Variants in ULK4 observed in about 807,000 individuals in gnomAD.
The protein encoded by ULK4 is unc-51 like kinase 4.
In ULK4, 133 loss-of-function variants were observed where a neutral mutation model predicts 160.6. That is an observed-to-expected ratio of 0.83 (90% confidence interval 0.72 to 0.96). The LOEUF (loss-of-function observed/expected upper bound fraction) is 0.96, where lower values mean the gene tolerates loss of function less well. ULK4 is among the 40% of genes least tolerant of loss of function. The probability of loss-of-function intolerance (pLI) is 0.00; values close to 1 mark genes in which losing one functional copy is unlikely to be tolerated. For synonymous variants in ULK4, 534 were observed against 539.8 expected (o/e 0.99, Z 0.15); for missense variants, 1,580 against 1,499.5 (o/e 1.05, Z -0.89).
chr3:41,773,623 T>C (rs931220106), intron 21 of ULK4, among the ~76,000 whole-genome samples: 1 of 152,048 alleles, frequency 6.6e-6, no homozygotes, highest in Non-Finnish European at 1.5e-5. Context: ...GAAGAATCAA[T>C]ATCGTGAAAA....
chr3:41,825,078 C>A (rs1236058272), intron 18 of ULK4, among the ~76,000 whole-genome samples: 1 of 152,218 alleles, frequency 6.6e-6, no homozygotes, highest in Non-Finnish European at 1.5e-5. Context: ...CTCCAGCAAA[C>A]TCCAACAGAC....
intron 27 of ULK4, among the ~76,000 whole-genome samples, chr3:41,699,990 T>C (rs2036619592): frequency 6.6e-6 from 1 of 152,198 alleles, no homozygotes. Flanking sequence ...CATAGGTTAT[T>C]GCTCATTAGG....
At chr3:41,402,979 C>T (rs149035894) in intron 34 of ULK4, among the ~76,000 whole-genome samples, 1 of 152,086 alleles carries the variant, frequency 6.6e-6, no homozygotes, top group Admixed American at 6.6e-5. Context: ...GGAGAAACCC[C>T]GTCTCTACTG....
intron 32 of ULK4, among the ~76,000 whole-genome samples, chr3:41,498,821 T>G (rs1265616628): frequency 6.6e-6 from 1 of 152,160 alleles, no homozygotes; most frequent in Admixed American, 6.5e-5. Context: ...GGTCTCGATC[T>G]CCTGACATTG....
At chr3:41,532,761 T>C (rs937288958) in intron 32 of ULK4, among the ~76,000 whole-genome samples, 2 of 152,206 alleles carry the variant, frequency 1.3e-5, no homozygotes, top group Admixed American at 1.3e-4. Flanking sequence ...AAATATTTCT[T>C]GTCGAGACTT....
Position 41,532,252 on chromosome 3 carries a change from T to C in ULK4, c.3226+33773A>G, listed in dbSNP as rs776807989. Among the ~76,000 whole-genome samples, 6 of 152,300 alleles carry C rather than the reference T, an allele frequency of 3.9e-5. 1 individual carries two copies. In the Middle Eastern group the frequency reaches 0.014, roughly 345 times the overall value. ...GCCAGGTGTGCGCCCACTCTGAGCT[T>C]TTGCACTTGCTGTTCTCTTCCCCTG... is the stretch of plus-strand genomic sequence containing the variant. On this transcript the variant is annotated intron_variant, in intron 32 of 36. Coordinates refer to ENST00000301831, the MANE Select transcript of ULK4 (RefSeq NM_017886.4).
rs553111874 is a variant in ULK4 at position 41,871,236 on chromosome 3, C to A, written c.1656+12638G>T. On this transcript the variant is annotated intron_variant, in intron 17 of 36. Transcript: ENST00000301831. ...AGAATGGTATATTAATATGACACTT[C>A]ATTCATCATAATGCCCTTGAAAGCC... Among the ~76,000 whole-genome samples, 7 of 152,216 alleles carry A rather than the reference C, an allele frequency of 4.6e-5. No individual in the cohort carries two copies. In the South Asian group the frequency reaches 1.5e-3, roughly 32 times the overall value.
intron 32 of ULK4, among the ~76,000 whole-genome samples, chr3:41,551,224 A>C (rs2087051344): frequency 6.6e-6 from 1 of 151,868 alleles, no homozygotes; most frequent in Admixed American, 6.6e-5. Context: ...ATACCTAAAG[A>C]AACCAGAAAA....
At chr3:41,427,398 G>A (rs193011587) in intron 34 of ULK4, among the ~76,000 whole-genome samples, 81 of 152,256 alleles carry the variant, frequency 5.3e-4, no homozygotes, top group Non-Finnish European at 9.9e-4. Context: ...GAAAAGAAGG[G>A]TCTTCTCCCT....
intron 30 of ULK4, among the ~76,000 whole-genome samples, chr3:41,631,915 C>G (rs1367250057): frequency 6.6e-6 from 1 of 152,152 alleles, no homozygotes; most frequent in African/African-American, 2.4e-5. Context: ...TCCTGCTACC[C>G]AGCTGAGGGC....
intron 5 of ULK4, among the ~76,000 whole-genome samples, chr3:41,926,090 T>C (rs112712141): frequency 0.014 from 2,104 of 152,224 alleles, 45 homozygotes; most frequent in African/African-American, 0.047. Flanking sequence ...AGACACCTCA[T>C]ACAGGAAAGC....
At chr3:41,441,456 T>A (rs2083167050) in intron 34 of ULK4, among the ~76,000 whole-genome samples, 1 of 152,092 alleles carries the variant, frequency 6.6e-6, no homozygotes, top group African/African-American at 2.4e-5. Context: ...AGTATCTTTT[T>A]TAAATTGGCT....
At chr3:41,656,034 C>T (rs1161464733) in intron 30 of ULK4, among the ~76,000 whole-genome samples, 1 of 152,192 alleles carries the variant, frequency 6.6e-6, no homozygotes, top group Non-Finnish European at 1.5e-5. Context: ...AACACTGTCC[C>T]ACCCATGCAG....
At chr3:41,852,166 A>T (rs925430827) in intron 17 of ULK4, among the ~76,000 whole-genome samples, 3 of 152,116 alleles carry the variant, frequency 2.0e-5, no homozygotes, top group African/African-American at 7.2e-5. Flanking sequence ...CGACACATAC[A>T]CCCTCCCAAG....
intron 33 of ULK4, among the ~76,000 whole-genome samples, chr3:41,459,605 A>G (rs2083636912): frequency 6.6e-6 from 1 of 152,208 alleles, no homozygotes; most frequent in Non-Finnish European, 1.5e-5. Context: ...AAACTGCTAT[A>G]ATAGAGGTAG....
rs143465233 is a variant in ULK4 at position 41,937,382 on chromosome 3, AAATT to A, written c.238+712_238+715del. The A allele has an allele frequency of 3.1e-5, 21 of 680,014 alleles. No homozygotes were observed. In the African/African-American group the frequency reaches 3.5e-4, roughly 11 times the overall value. 42.1% of individuals were successfully genotyped at this position (680,014 alleles called of 1,614,324 possible). A position where few individuals can be genotyped will look rare whatever the true frequency, so the allele number is the denominator to read the frequency against. On this transcript the variant is annotated intron_variant, in intron 3 of 36. Transcript: ENST00000301831. ...ATAAAATCAAATAAGTTATTAATCC[AAATT>A]ACTTCTTTAAGTTTTATAAATTCTA...
intron 35 of ULK4, among the ~76,000 whole-genome samples, chr3:41,320,516 C>CT (rs2080226303): frequency 1.3e-5 from 2 of 152,186 alleles, no homozygotes; most frequent in Non-Finnish European, 2.9e-5. Context: ...GCCCCAGAAC[C>CT]TAGGCTGGCC....
chr3:41,561,147 T>C (rs891088216), intron 32 of ULK4, among the ~76,000 whole-genome samples: 1 of 152,204 alleles, frequency 6.6e-6, no homozygotes, highest in Non-Finnish European at 1.5e-5. Flanking sequence ...ATTGATTCTG[T>C]TTACGTGATG....
At chr3:41,733,725 ATTTTTTTTTTT>A (rs778572755) in intron 22 of ULK4, among the ~76,000 whole-genome samples, 16 of 93,618 alleles carry the variant, frequency 1.7e-4, no homozygotes, top group Non-Finnish European at 1.9e-4. Flanking sequence ...TAAACACATG[ATTTTTTTTTTT>A]TTTTTTTTTT....
Sources: gnomAD v4.1 joint callset for allele counts (sites outside exome capture counted in the v4.1 genomes callset) on GRCh38, gnomAD v4.1.1 for gene constraint, MANE v1.5 for transcripts, NCBI Gene and HGNC (gene_info 2026-07-23, HGNC 2026-07-21) for gene names.